SLC31A1: variants seen among roughly 807,000 people sequenced by gnomAD.
The protein encoded by SLC31A1 is high affinity copper uptake protein 1.
SLC31A1 carries 5 observed loss-of-function variants against 17.2 expected under a neutral mutation model. The observed-to-expected ratio is 0.29, with a 90% CI of 0.15 to 0.61. The LOEUF is 0.61. Ranked by LOEUF, SLC31A1 falls within the 20% of genes least tolerant of loss-of-function variation. The pLI, the probability that SLC31A1 is intolerant of heterozygous loss-of-function variation, is 0.86. For missense variants in SLC31A1, 161 were observed against 241.4 expected (o/e 0.67, Z 2.21); for synonymous variants, 76 against 78.8 (o/e 0.96, Z 0.19).
At chr9:113,246,730 A>C (rs569992261) in intron 1 of SLC31A1, among the ~76,000 whole-genome samples, 1 of 152,172 alleles carries the variant, frequency 6.6e-6, no homozygotes, top group South Asian at 2.1e-4. Flanking sequence ...CAGTGGCACT[A>C]TCTCAGCTCA....
intron 1 of SLC31A1, among the ~76,000 whole-genome samples, chr9:113,236,045 T>C (rs1164315835): frequency 2.6e-5 from 4 of 152,248 alleles, no homozygotes; most frequent in Admixed American, 2.6e-4. Flanking sequence ...TAGCGTGCAG[T>C]GGCGCAATCT....
intron 1 of SLC31A1, among the ~76,000 whole-genome samples, chr9:113,239,708 C>T (rs996631582): frequency 1.3e-5 from 2 of 152,188 alleles, no homozygotes; most frequent in Non-Finnish European, 2.9e-5. Context: ...CTCAGCCTCC[C>T]GAGTAGCTGG....
Position 113,260,499 on chromosome 9 carries a change from T to C in SLC31A1, c.*26T>C, listed in dbSNP as rs1454089246. On this transcript the variant is annotated 3_prime_UTR_variant, in exon 5 of 5. Transcript: ENST00000374212. ...CATCAAACTCTATGGCGTGGCCTTA[T>C]CGATTGCAGTGGGAAGTTGTTGAAG... is the stretch of plus-strand genomic sequence containing the variant. 1.3e-6 allele frequency: 2 copies of C among 1,595,512 alleles called. No homozygotes were observed. The highest frequency in any genetic ancestry group is 1.7e-6 in the Non-Finnish European group (2 of 1,167,486).
intron 1 of SLC31A1, among the ~76,000 whole-genome samples, chr9:113,240,973 C>T (rs984989527): frequency 6.6e-6 from 1 of 151,284 alleles, no homozygotes; most frequent in African/African-American, 2.4e-5. Flanking sequence ...TCGCTTGAAC[C>T]CAGGAGGTGG....
chr9:113,228,906 G>A lies in SLC31A1; in HGVS notation c.-36+7228G>A, dbSNP rs1023238652. Among the ~76,000 whole-genome samples the A allele has an allele frequency of 2.6e-5, 4 of 152,162 alleles. No homozygotes were observed. The East Asian group carries it at 7.7e-4, about 29-fold the overall frequency. On this transcript the variant is annotated intron_variant, in intron 1 of 4. Coordinates refer to ENST00000374212, the MANE Select transcript of SLC31A1 (RefSeq NM_001859.4). ...TTGTTGCCCAGGCTGAAGTGCAATA[G>A]TGTGATCTCGGCTCATTGCAACCTC...
chr9:113,235,018 G>A (rs1174515747), intron 1 of SLC31A1, among the ~76,000 whole-genome samples: 2 of 151,998 alleles, frequency 1.3e-5, no homozygotes, highest in Non-Finnish European at 1.5e-5. Context: ...ACTTCTGTTC[G>A]TTCATCTAAA....
intron 1 of SLC31A1, among the ~76,000 whole-genome samples, chr9:113,251,438 A>T (rs1042891593): frequency 3.9e-5 from 6 of 152,146 alleles, no homozygotes; most frequent in Non-Finnish European, 5.9e-5. Flanking sequence ...TAAAAAATAA[A>T]AAATAAAAAT....
chr9:113,256,363 T>A, intron 2 of SLC31A1, 86 bp downstream of exon 2: 3 of 1,499,536 alleles, frequency 2.0e-6, no homozygotes, highest in Non-Finnish European at 2.7e-6. Context: ...GGAAGCTTAT[T>A]ATCTTTAAAG....
intron 1 of SLC31A1, among the ~76,000 whole-genome samples, chr9:113,252,243 A>C (rs560667560): frequency 6.6e-6 from 1 of 152,360 alleles, no homozygotes; most frequent in East Asian, 1.9e-4. Flanking sequence ...AATGTTATAA[A>C]GGTTCATCAA....
At chr9:113,247,726 A>G (rs1279364736) in intron 1 of SLC31A1, among the ~76,000 whole-genome samples, 1 of 152,168 alleles carries the variant, frequency 6.6e-6, no homozygotes. Context: ...ATATCATACC[A>G]TACTTATTAA....
chr9:113,236,135 A>G (rs1002861601), intron 1 of SLC31A1, among the ~76,000 whole-genome samples: 2 of 151,676 alleles, frequency 1.3e-5, no homozygotes, highest in Non-Finnish European at 2.9e-5. Flanking sequence ...TTACAGGTGC[A>G]CGCCACCAAA....
At chr9:113,230,614 A>G (rs1307161370) in intron 1 of SLC31A1, among the ~76,000 whole-genome samples, 1 of 152,206 alleles carries the variant, frequency 6.6e-6, no homozygotes, top group East Asian at 1.9e-4. Flanking sequence ...GTACAGTGTG[A>G]TATTTTAATA....
rs1375578665 is a variant in SLC31A1 at position 113,258,403 on chromosome 9, G to A, written c.203-291G>A. 6.6e-6 allele frequency among the ~76,000 whole-genome samples: 1 copy of A among 152,148 alleles called. No homozygotes were observed. The highest frequency in any genetic ancestry group is 1.5e-5 in the Non-Finnish European group (1 of 68,022). ...TCCATATTCTACATTGTGTGTTTCA[G>A]TGTAACAAACCTAATTTAATGATAT... is the stretch of plus-strand genomic sequence containing the variant. On this transcript the variant is annotated intron_variant, in intron 3 of 4. Coordinates refer to ENST00000374212, the MANE Select transcript of SLC31A1 (RefSeq NM_001859.4). The surrounding 1 kb of genome is among the most constrained non-coding windows in gnomAD (Gnocchi z 4.8).
At chr9:113,226,209 T>A (rs10739390) in intron 1 of SLC31A1, among the ~76,000 whole-genome samples, 78,825 of 151,454 alleles carry the variant, frequency 0.52, 21,044 homozygotes, top group African/African-American at 0.64. Context: ...CAGTTGTCAG[T>A]TAAGTTAGTA....
chr9:113,260,704 C>T lies in SLC31A1; in HGVS notation c.*231C>T. 1 of 558,234 alleles carries T rather than the reference C, an allele frequency of 1.8e-6. No individual in the cohort carries two copies. Among genetic ancestry groups the T allele is most frequent in the Non-Finnish European group, 3.3e-6 (1 of 306,488 alleles). The allele number at this position is 558,234 out of a possible 1,614,324, so 34.6% of individuals were successfully genotyped here. On this transcript the variant is annotated 3_prime_UTR_variant, in exon 5 of 5. Transcript: ENST00000374212. ...CTAATAAGCTGAGATTCCCATTTCTCTTAAGGAGAAGCCACCCATGAGATG... is the reference window on the plus strand; with the variant it reads ...CTAATAAGCTGAGATTCCCATTTCTTTTAAGGAGAAGCCACCCATGAGATG...
intron 1 of SLC31A1, among the ~76,000 whole-genome samples, chr9:113,246,201 T>G (rs190765786): frequency 2.7e-4 from 41 of 151,976 alleles, no homozygotes; most frequent in Non-Finnish European, 5.3e-4. Flanking sequence ...CACACCAGCA[T>G]GCCCAGCAAA....
intron 1 of SLC31A1, among the ~76,000 whole-genome samples, chr9:113,232,940 A>G (rs1831417276): frequency 6.6e-6 from 1 of 152,214 alleles, no homozygotes; most frequent in Non-Finnish European, 1.5e-5. Flanking sequence ...TATACCATAT[A>G]TAGAGAGAAC....
chr9:113,248,198 C>T (rs910334901), intron 1 of SLC31A1, among the ~76,000 whole-genome samples: 2 of 151,932 alleles, frequency 1.3e-5, no homozygotes, highest in African/African-American at 4.8e-5. Context: ...GTGGTGTGCA[C>T]CTGTAGTCCC....
intron 1 of SLC31A1, among the ~76,000 whole-genome samples, chr9:113,244,884 AAT>A (rs1214156031): frequency 6.6e-6 from 1 of 152,220 alleles, no homozygotes; most frequent in Non-Finnish European, 1.5e-5. Flanking sequence ...TGGGGAGAAC[AAT>A]ATGTGTTTGA....
Sources: allele counts gnomAD v4.1 joint callset (sites outside exome capture counted in the v4.1 genomes callset), GRCh38; gene constraint gnomAD v4.1.1; non-coding constraint Gnocchi (gnomAD v3.1); transcripts MANE v1.5; gene names NCBI Gene and HGNC (gene_info 2026-07-23, HGNC 2026-07-21).